PHYH: variants seen among roughly 807,000 people sequenced by gnomAD.
The protein encoded by PHYH is phytanoyl-CoA dioxygenase, peroxisomal.
A neutral mutation model predicts 38.5 loss-of-function variants in PHYH; 32 were observed. The observed-to-expected ratio is 0.83, with a 90% CI of 0.63 to 1.12. PHYH has a LOEUF of 1.12. PHYH is among the 50% of genes most tolerant of loss of function. The pLI is 0.00. For synonymous variants in PHYH, 166 were observed against 157.9 expected (o/e 1.05, Z -0.38); for missense variants, 426 against 434.8 (o/e 0.98, Z 0.18).
At chr10:13,282,112 G>A (rs1037895598) in intron 7 of PHYH, among the ~76,000 whole-genome samples, 2 of 152,044 alleles carry the variant, frequency 1.3e-5, no homozygotes, top group Admixed American at 1.3e-4. Context: ...TTAGCCAGGT[G>A]TGGTCATGCA....
chr10:13,282,732 T>C (rs948816282), intron 7 of PHYH, among the ~76,000 whole-genome samples: 1 of 152,218 alleles, frequency 6.6e-6, no homozygotes, highest in Non-Finnish European at 1.5e-5. Context: ...TAGTGTCTTT[T>C]ATTTAAACTT....
chr10:13,294,434 G>A lies in PHYH; in HGVS notation c.408C>T (p.Leu136=), dbSNP rs776778860. 59 of 1,613,932 alleles carry A rather than the reference G, an allele frequency of 3.7e-5. No individual in the cohort carries two copies. Among genetic ancestry groups the A allele is most frequent in the Non-Finnish European group, 2.5e-5 (29 of 1,179,984 alleles). ...AGCAAGGGTGGTCTCTGACCTCGGG[G>A]AGAGTGCAGTATCTGAAGAGCTCCT... ...EDKELFRYCT[L]PEILKYVECF... Residue 136 remains leucine (L), a synonymous_variant, in exon 4 of 9, where the codon CTC becomes CTT. Transcript: ENST00000263038.
chr10:13,291,971 CT>C lies in PHYH; in HGVS notation c.415-60del. 4.2e-6 allele frequency: 5 copies of C among 1,199,052 alleles called. No homozygotes were observed. In the South Asian group the frequency reaches 6.1e-5, roughly 15 times the overall value. The allele number at this position is 1,199,052 out of a possible 1,614,324, so 74.3% of individuals were successfully genotyped here. ...TGTGGGAAATCAGAAGTATTGACAA[CT>C]GGTACAAAGTACAGTAGCTATCCAC... On this transcript the variant is annotated intron_variant, in intron 4 of 8. Transcript: ENST00000263038.
At chr10:13,283,168 G>C (rs1398489276) in intron 7 of PHYH, among the ~76,000 whole-genome samples, 2 of 127,224 alleles carry the variant, frequency 1.6e-5, no homozygotes, top group African/African-American at 3.1e-5. Context: ...TCTCGCTGTC[G>C]CCCAGGCTGG....
At position 13,293,137 on chromosome 10, in the gene PHYH, C is replaced by T. The variant is rs866165099; in HGVS notation, c.415-1225G>A. On this transcript the variant is annotated intron_variant, in intron 4 of 8. Transcript: ENST00000263038. ...TAAAAGCCTAGCAGTCAGGCACACA[C>T]TTGCTTTTTATAAAGCCTGGTATTT... Among the ~76,000 whole-genome samples, 5 of 152,114 alleles carry T rather than the reference C, an allele frequency of 3.3e-5. No homozygotes were observed. In the South Asian group the frequency reaches 1.0e-3, roughly 31 times the overall value.
chr10:13,289,098 C>T (rs1404791883), intron 5 of PHYH, among the ~76,000 whole-genome samples: 1 of 152,118 alleles, frequency 6.6e-6, no homozygotes, highest in Non-Finnish European at 1.5e-5. Flanking sequence ...TCTTCAAATC[C>T]CGCACTCCCT....
chr10:13,288,317 C>A, intron 6 of PHYH, 43 bp downstream of exon 6: 11 of 1,570,944 alleles, frequency 7.0e-6, no homozygotes, highest in South Asian at 1.1e-5. Flanking sequence ...ACAGAAACTG[C>A]GAAGGAGATT....
chr10:13,278,659 G>A (rs1835347031), intron 8 of PHYH, among the ~76,000 whole-genome samples: 1 of 151,996 alleles, frequency 6.6e-6, no homozygotes, highest in South Asian at 2.1e-4. Context: ...CTCCCGAGTA[G>A]CTGGGATTAC....
chr10:13,283,949 TCC>T, intron 6 of PHYH, 110 bp from the exon 7 acceptor site: 1 of 924,454 alleles, frequency 1.1e-6, no homozygotes, highest in Non-Finnish European at 1.8e-6. Flanking sequence ...CATTTCTCTC[TCC>T]CAAGAGAAAT....
chr10:13,288,675 G>A (rs1835622694), intron 5 of PHYH, 134 bp from the exon 6 acceptor site: 1 of 831,920 alleles, frequency 1.2e-6, no homozygotes, highest in Admixed American at 2.1e-5. Flanking sequence ...TTGAGCCTGG[G>A]AGTTCAAAAC....
chr10:13,299,913 A>AGGCGGC, intron 1 of PHYH, 55 bp downstream of exon 1: 1 of 1,487,370 alleles, frequency 6.7e-7, no homozygotes, highest in Non-Finnish European at 8.9e-7. Flanking sequence ...GCCACCACTC[A>AGGCGGC]GGCGGCGGCG....
At chr10:13,299,759 G>A in intron 1 of PHYH, 2 of 1,309,288 alleles carry the variant, frequency 1.5e-6, no homozygotes, top group South Asian at 4.4e-5. Context: ...ACCCCAGGGC[G>A]GCCGCGCGTG....
At chr10:13,297,681 C>T (rs7896826) in intron 2 of PHYH, among the ~76,000 whole-genome samples, 49,992 of 151,606 alleles carry the variant, frequency 0.33, 10,268 homozygotes, top group East Asian at 0.68. Context: ...AGGCTGGTCT[C>T]GAACTCCTGA....
intron 5 of PHYH, among the ~76,000 whole-genome samples, chr10:13,289,958 A>T (rs551252242): frequency 1.3e-5 from 2 of 148,434 alleles, no homozygotes; most frequent in Admixed American, 1.3e-4. Context: ...AAAAAAAGAA[A>T]AGAAAAAGAA....
intron 8 of PHYH, among the ~76,000 whole-genome samples, chr10:13,279,023 A>C (rs1331245789): frequency 6.7e-6 from 1 of 149,244 alleles, no homozygotes; most frequent in Non-Finnish European, 1.5e-5. Context: ...TTTGAGACGG[A>C]ATTTTGCTCT....
At chr10:13,282,591 C>CAAAAAA (rs890313204) in intron 7 of PHYH, among the ~76,000 whole-genome samples, 1 of 79,400 alleles carries the variant, frequency 1.3e-5, no homozygotes, top group Non-Finnish European at 2.3e-5. Flanking sequence ...GACTCCACCT[C>CAAAAAA]AAAAAAAAAA....
rs897882991 is a variant in PHYH, at chr10:13,299,717, C to A, written c.75+251G>T. 25 of 1,297,816 alleles carry A rather than the reference C, an allele frequency of 1.9e-5. No homozygotes were observed. In the African/African-American group the frequency reaches 3.8e-4, roughly 19 times the overall value. The allele number at this position is 1,297,816 out of a possible 1,614,324, so 80.4% of individuals were successfully genotyped here. On this transcript the variant is annotated intron_variant, in intron 1 of 8. Transcript: ENST00000263038. ...AGAGGAGCAGAGGCCCCCAGGGATC[C>A]CGGAGGGCAGGGCAACGCGGCAATT... is the stretch of plus-strand genomic sequence containing the variant.
Position 13,284,451 on chromosome 10 carries a change from A to T in PHYH, c.679-612T>A, listed in dbSNP as rs923417743. 2.6e-5 allele frequency among the ~76,000 whole-genome samples: 4 copies of T among 152,160 alleles called. No individual in the cohort carries two copies. The East Asian group carries it at 5.8e-4, about 22-fold the overall frequency. On this transcript the variant is annotated intron_variant, in intron 6 of 8. Coordinates refer to ENST00000263038, the MANE Select transcript of PHYH (RefSeq NM_006214.4). ...TGCATTATACATGAAGATCTAGCTTAGCTTTGCCTTTTGTGGTTAATGCAG... is the reference window on the plus strand; with the variant it reads ...TGCATTATACATGAAGATCTAGCTTTGCTTTGCCTTTTGTGGTTAATGCAG...
intron 7 of PHYH, among the ~76,000 whole-genome samples, chr10:13,282,126 C>G (rs1232262931): frequency 6.6e-6 from 1 of 152,016 alleles, no homozygotes; most frequent in Admixed American, 6.6e-5. Flanking sequence ...TCATGCATGC[C>G]TGTAGTCCCA....
Sources: gnomAD v4.1 joint callset for allele counts (sites outside exome capture counted in the v4.1 genomes callset) on GRCh38, gnomAD v4.1.1 for gene constraint, MANE v1.5 for transcripts, NCBI Gene and HGNC (gene_info 2026-07-23, HGNC 2026-07-21) for gene names.